Variants in BLTP1 observed in about 807,000 individuals in gnomAD.
BLTP1 encodes the protein fragile site-associated protein.
At chr4:122,325,227 C>T in the BLTP1 span, 1 of 1,593,944 alleles carries the variant, frequency 6.3e-7, no homozygotes, top group Non-Finnish European at 8.6e-7. Flanking sequence ...TATTTACTTG[C>T]AGTTCTCGAG....
the BLTP1 span, among the ~76,000 whole-genome samples, chr4:122,213,204 T>A: frequency 1.3e-5 from 2 of 152,096 alleles, no homozygotes; most frequent in Admixed American, 1.3e-4. Flanking sequence ...ATCTAATTTT[T>A]AAAAAATTAT....
the BLTP1 span, chr4:122,315,739 CAG>C: frequency 6.4e-7 from 1 of 1,553,402 alleles, no homozygotes; most frequent in East Asian, 2.3e-5. Flanking sequence ...TACCCTGAGA[CAG>C]GGATATTTTT....
chr4:122,213,484 T>A, the BLTP1 span, among the ~76,000 whole-genome samples: 3 of 152,050 alleles, frequency 2.0e-5, no homozygotes, highest in African/African-American at 7.2e-5. Context: ...TGTATTTTCA[T>A]GTATACATGA....
the BLTP1 span, chr4:122,312,843 CAG>C: frequency 2.5e-6 from 2 of 815,346 alleles, no homozygotes; most frequent in African/African-American, 3.7e-5. Context: ...TTAGGATTCT[CAG>C]AGTGAATTAC....
chr4:122,258,043 A>G, the BLTP1 span, among the ~76,000 whole-genome samples: 2 of 152,066 alleles, frequency 1.3e-5, no homozygotes, highest in South Asian at 2.1e-4. Flanking sequence ...ATTTATGTAA[A>G]CTTTGGGGCC....
the BLTP1 span, among the ~76,000 whole-genome samples, chr4:122,235,212 CAG>C: frequency 6.6e-6 from 1 of 152,090 alleles, no homozygotes; most frequent in African/African-American, 2.4e-5. Context: ...GTGATTTTTT[CAG>C]AGTTAGAAGT....
chr4:122,187,612 G>A, the BLTP1 span: 26 of 1,244,414 alleles, frequency 2.1e-5, no homozygotes, highest in Non-Finnish European at 2.9e-5. Context: ...AAATAGTTTT[G>A]TGGAGTTTTT....
chr4:122,237,614 GA>G, the BLTP1 span: 3 of 733,838 alleles, frequency 4.1e-6, no homozygotes, highest in Non-Finnish European at 5.0e-6. Flanking sequence ...GATTTAAAAA[GA>G]AGAAAAAAAT....
At chr4:122,196,906 C>T in the BLTP1 span, 1 of 532,404 alleles carries the variant, frequency 1.9e-6, no homozygotes, top group Non-Finnish European at 3.1e-6. Flanking sequence ...AGCTGTTTTC[C>T]CTTGAAATAA....
chr4:122,352,757 G>A, the BLTP1 span: 1 of 878,774 alleles, frequency 1.1e-6, no homozygotes, highest in Non-Finnish European at 1.7e-6. Flanking sequence ...CTCTTTATTA[G>A]CTATTGCTTA....
At chr4:122,319,373 G>A in the BLTP1 span, among the ~76,000 whole-genome samples, 1 of 151,536 alleles carries the variant, frequency 6.6e-6, no homozygotes, top group Non-Finnish European at 1.5e-5. Flanking sequence ...TCTAAGCACT[G>A]CTTTTGCTGT....
the BLTP1 span, chr4:122,299,735 TAC>T: frequency 1.1e-6 from 1 of 913,312 alleles, no homozygotes; most frequent in Non-Finnish European, 1.3e-6. Flanking sequence ...TACACACAAA[TAC>T]ACACATACAT....
chr4:122,332,652 C>CT, the BLTP1 span, among the ~76,000 whole-genome samples: 2 of 134,408 alleles, frequency 1.5e-5, no homozygotes, highest in African/African-American at 2.8e-5. Context: ...TTATTATACT[C>CT]TAAGTTTTAG....
chr4:122,273,078 C>G, the BLTP1 span: 25 of 289,648 alleles, frequency 8.6e-5, no homozygotes, highest in Non-Finnish European at 9.3e-5. Flanking sequence ...TCTCTTGCAG[C>G]AATGATTATA....
the BLTP1 span, chr4:122,258,699 A>G: frequency 6.2e-7 from 1 of 1,612,204 alleles, no homozygotes; most frequent in Non-Finnish European, 8.5e-7. Context: ...GAACTGTTTC[A>G]GCCACAGTCA....
At chr4:122,331,020 A>T in the BLTP1 span, 1 of 964,056 alleles carries the variant, frequency 1.0e-6, no homozygotes, top group Non-Finnish European at 1.2e-6. Flanking sequence ...TAACATTTAA[A>T]TGTTATAATT....
chr4:122,344,470 G>C, the BLTP1 span: 3 of 1,614,006 alleles, frequency 1.9e-6, no homozygotes, highest in African/African-American at 1.3e-5. Flanking sequence ...GTTTGTCACG[G>C]ATCAGGCGTT....
the BLTP1 span, among the ~76,000 whole-genome samples, chr4:122,165,895 C>A: frequency 2.0e-5 from 3 of 150,492 alleles, no homozygotes; most frequent in Non-Finnish European, 4.4e-5. Flanking sequence ...CTGTTCATAT[C>A]CTTCGCCCAC....
the BLTP1 span, among the ~76,000 whole-genome samples, chr4:122,192,865 A>G: frequency 3.3e-5 from 5 of 152,208 alleles, no homozygotes; most frequent in Non-Finnish European, 5.9e-5. Flanking sequence ...CTAGTTTGCT[A>G]GGGCTGCCTT....
Sources: allele counts gnomAD v4.1 joint callset (sites outside exome capture counted in the v4.1 genomes callset), GRCh38; gene constraint gnomAD v4.1.1; transcripts MANE v1.5; gene names NCBI Gene and HGNC (gene_info 2026-07-23, HGNC 2026-07-21).